The following APBB1IP variants were observed in gnomAD, a reference collection of about 807,000 sequenced individuals.
APBB1IP encodes the protein amyloid beta precursor protein binding family B member 1 interacting protein.
In APBB1IP, 27 loss-of-function variants were observed where a neutral mutation model predicts 64.9. That is an observed-to-expected ratio of 0.42 (90% CI 0.31 to 0.57). The LOEUF is 0.57. Among genes scored for constraint, APBB1IP ranks in the 20% least tolerant of loss-of-function variants. The pLI is 0.20. For missense variants in APBB1IP, 812 were observed against 845.5 expected (o/e 0.96, Z 0.49); for synonymous variants, 392 against 331.0 (o/e 1.18, Z -2.00).
At chr10:26,484,413 G>T (rs1477271942) in intron 2 of APBB1IP, among the ~76,000 whole-genome samples, 2 of 152,056 alleles carry the variant, frequency 1.3e-5, no homozygotes, top group Non-Finnish European at 2.9e-5. Context: ...AGCGATTCTT[G>T]TGCCTCAGAC....
chr10:26,519,582 TGG>T (rs1433400670), intron 8 of APBB1IP, among the ~76,000 whole-genome samples: 6 of 152,162 alleles, frequency 3.9e-5, no homozygotes, highest in Non-Finnish European at 8.8e-5. Flanking sequence ...CTTCCAACAC[TGG>T]GGATTACAAT....
intron 11 of APBB1IP, among the ~76,000 whole-genome samples, chr10:26,555,905 A>G (rs979919279): frequency 4.6e-5 from 7 of 151,858 alleles, no homozygotes; most frequent in African/African-American, 1.2e-4. Context: ...TGCCTCTCTT[A>G]CTCCTCTTAA....
At chr10:26,534,401 G>A (rs1836593714) in intron 9 of APBB1IP, among the ~76,000 whole-genome samples, 1 of 151,734 alleles carries the variant, frequency 6.6e-6, no homozygotes, top group South Asian at 2.1e-4. Flanking sequence ...GAACTGCCCA[G>A]GTTGTATTTC....
At chr10:26,536,280 A>G in intron 10 of APBB1IP, 63 bp downstream of exon 10, 1 of 1,497,340 alleles carries the variant, frequency 6.7e-7, no homozygotes, top group Non-Finnish European at 8.9e-7. Flanking sequence ...AAACTAAAGA[A>G]ATCCTTAGTT....
At chr10:26,548,336 C>G (rs149412041) in intron 11 of APBB1IP, among the ~76,000 whole-genome samples, 20 of 138,422 alleles carry the variant, frequency 1.4e-4, no homozygotes, top group Admixed American at 5.9e-4. Flanking sequence ...ATCCCTCCCC[C>G]CTCCCCCGAC....
chr10:26,463,459 TA>T (rs2132408384), intron 2 of APBB1IP, among the ~76,000 whole-genome samples: 1 of 152,194 alleles, frequency 6.6e-6, no homozygotes, highest in Non-Finnish European at 1.5e-5. Flanking sequence ...TAAAAAAATG[TA>T]AAACTTCACT....
intron 2 of APBB1IP, among the ~76,000 whole-genome samples, chr10:26,447,764 A>G (rs1459076969): frequency 6.6e-6 from 1 of 152,160 alleles, no homozygotes; most frequent in Non-Finnish European, 1.5e-5. Context: ...TCTGTCACCC[A>G]AGCAAGAGTG....
At chr10:26,553,040 G>C (rs566951899) in intron 11 of APBB1IP, among the ~76,000 whole-genome samples, 121 of 151,088 alleles carry the variant, frequency 8.0e-4, no homozygotes, top group African/African-American at 2.9e-3. Context: ...TTCTTTTTTT[G>C]AGATGGAGTC....
At chr10:26,475,753 G>A (rs1835768061) in intron 2 of APBB1IP, among the ~76,000 whole-genome samples, 2 of 152,166 alleles carry the variant, frequency 1.3e-5, no homozygotes, top group South Asian at 2.1e-4. Context: ...GTACACAGGA[G>A]AGATAATATT....
At chr10:26,482,355 G>C (rs888002891) in intron 2 of APBB1IP, among the ~76,000 whole-genome samples, 18 of 152,104 alleles carry the variant, frequency 1.2e-4, no homozygotes, top group Admixed American at 1.3e-4. Context: ...CTCAAACGTT[G>C]CAAGAACCTT....
chr10:26,561,310 C>G (rs1156622345), intron 13 of APBB1IP, among the ~76,000 whole-genome samples: 4 of 150,994 alleles, frequency 2.6e-5, no homozygotes, highest in Non-Finnish European at 5.9e-5. Context: ...CCTCGTGATG[C>G]ACCTGCCTCA....
At chr10:26,462,680 G>A (rs1216609531) in intron 2 of APBB1IP, among the ~76,000 whole-genome samples, 1 of 151,952 alleles carries the variant, frequency 6.6e-6, no homozygotes, top group East Asian at 1.9e-4. Context: ...GTGATTTGTT[G>A]TTTTCCTATT....
intron 2 of APBB1IP, among the ~76,000 whole-genome samples, chr10:26,452,344 C>G (rs950637753): frequency 3.3e-5 from 5 of 152,196 alleles, no homozygotes; most frequent in Non-Finnish European, 5.9e-5. Flanking sequence ...GTGCATGTCA[C>G]ACACTTGAAT....
chr10:26,491,823 G>A (rs905709944), intron 2 of APBB1IP, among the ~76,000 whole-genome samples: 2 of 147,050 alleles, frequency 1.4e-5, no homozygotes, highest in African/African-American at 2.5e-5. Flanking sequence ...GTGCAGTGGC[G>A]CAATCTCGGC....
At chr10:26,488,997 C>T (rs909439840) in intron 2 of APBB1IP, among the ~76,000 whole-genome samples, 1 of 152,184 alleles carries the variant, frequency 6.6e-6, no homozygotes, top group Non-Finnish European at 1.5e-5. Flanking sequence ...GGAATCTAGA[C>T]CTCTCTTAAC....
chr10:26,461,007 G>T (rs1441731779), intron 2 of APBB1IP, among the ~76,000 whole-genome samples: 1 of 152,062 alleles, frequency 6.6e-6, no homozygotes, highest in Non-Finnish European at 1.5e-5. Context: ...CTAATCACAG[G>T]TAGAATCCTA....
At chr10:26,561,389 T>G (rs1836970769) in intron 13 of APBB1IP, among the ~76,000 whole-genome samples, 1 of 58,530 alleles carries the variant, frequency 1.7e-5, no homozygotes, top group Admixed American at 1.7e-4. Flanking sequence ...TCTTCTTTGC[T>G]TTTTTTTTTT....
chr10:26,454,745 A>G (rs374935277), intron 2 of APBB1IP, among the ~76,000 whole-genome samples: 1 of 152,366 alleles, frequency 6.6e-6, no homozygotes, highest in African/African-American at 2.4e-5. Flanking sequence ...AACACATAGG[A>G]TAAATGCTGG....
chr10:26,446,891 AATAG>A (rs67785093), intron 2 of APBB1IP, among the ~76,000 whole-genome samples: 38,752 of 150,350 alleles, frequency 0.26, 5,550 homozygotes, highest in African/African-American at 0.39. Flanking sequence ...GATAGATAGA[AATAG>A]ATAGATATGG....
Sources: allele counts gnomAD v4.1 joint callset (sites outside exome capture counted in the v4.1 genomes callset), GRCh38; gene constraint gnomAD v4.1.1; transcripts MANE v1.5; gene names NCBI Gene and HGNC (gene_info 2026-07-23, HGNC 2026-07-21).